MAML2: variants seen among roughly 807,000 people sequenced by gnomAD.
The protein encoded by MAML2 is mastermind like transcriptional coactivator 2.
In MAML2, 22 loss-of-function variants were observed where a neutral mutation model predicts 96.1. The observed-to-expected ratio is 0.23, with a 90% confidence interval of 0.16 to 0.33. MAML2 has a LOEUF of 0.33. Ranked by LOEUF, MAML2 falls within the 10% of genes least tolerant of loss-of-function variation. The probability of loss-of-function intolerance (pLI) is 1.00; values close to 1 mark genes in which losing one functional copy is unlikely to be tolerated. For missense variants in MAML2, 1,367 were observed against 1,392.4 expected (o/e 0.98, Z 0.29); for synonymous variants, 561 against 521.3 (o/e 1.08, Z -1.04).
chr11:96,064,441 T>C (rs1859214350), intron 2 of MAML2, among the ~76,000 whole-genome samples: 1 of 152,228 alleles, frequency 6.6e-6, no homozygotes, highest in Non-Finnish European at 1.5e-5. Flanking sequence ...ATGTAAGTTA[T>C]TCTGATAGTT....
Position 96,268,772 on chromosome 11 carries a change from G to A in MAML2, c.513+72611C>T, listed in dbSNP as rs558969473. On this transcript the variant is annotated intron_variant, in intron 1 of 4. Coordinates refer to ENST00000524717, the MANE Select transcript of MAML2 (RefSeq NM_032427.4). ...TATAAAGGGGAGTTCCCCTGCACAC[G>A]ATCTGTTGTCTGCCGCCATGTAAGA... Among the ~76,000 whole-genome samples, 8 of 146,286 alleles carry A rather than the reference G, an allele frequency of 5.5e-5. 2 individuals carry two copies. The highest frequency in any genetic ancestry group is 4.0e-4 in the East Asian group (2 of 5,008).
At chr11:96,015,876 C>T (rs1406852621) in intron 2 of MAML2, among the ~76,000 whole-genome samples, 1 of 152,014 alleles carries the variant, frequency 6.6e-6, no homozygotes, top group Non-Finnish European at 1.5e-5. Context: ...TTCATACTGA[C>T]AAGGCTCAGT....
chr11:96,120,338 T>A (rs1166419332), intron 1 of MAML2, among the ~76,000 whole-genome samples: 1 of 152,190 alleles, frequency 6.6e-6, no homozygotes, highest in Non-Finnish European at 1.5e-5. Flanking sequence ...CATGGTCCAC[T>A]GCAGATCTGA....
intron 1 of MAML2, among the ~76,000 whole-genome samples, chr11:96,266,294 G>A (rs1302146320): frequency 1.3e-5 from 2 of 152,142 alleles, no homozygotes; most frequent in Non-Finnish European, 2.9e-5. Flanking sequence ...ATATTGGCCA[G>A]GCGTGGTGGC....
intron 1 of MAML2, among the ~76,000 whole-genome samples, chr11:96,102,208 G>A (rs985973956): frequency 3.3e-5 from 5 of 152,166 alleles, no homozygotes; most frequent in Admixed American, 1.3e-4. Flanking sequence ...CCTGGGAGGC[G>A]GAGCTTGCAG....
chr11:95,978,769 G>A lies in MAML2; in HGVS notation c.*179C>T, dbSNP rs1006540055. On this transcript the variant is annotated 3_prime_UTR_variant, in exon 5 of 5. Transcript: ENST00000524717. ...CCCAATATTTTACTTTCAGGTGTAA[G>A]ATTTAAAACAAGAATTTGGACCAAA... 26 of 610,622 alleles carry A rather than the reference G, an allele frequency of 4.3e-5. No homozygotes were observed. The highest frequency in any genetic ancestry group is 7.2e-5 in the Non-Finnish European group (26 of 360,670). The allele number at this position is 610,622 out of a possible 1,614,324, so 37.8% of individuals were successfully genotyped here. A position where few individuals can be genotyped will look rare whatever the true frequency, so the allele number is the denominator to read the frequency against.
chr11:96,124,046 GGCAACGAGCAACGAGCAACCA>G (rs1242279882), intron 1 of MAML2, among the ~76,000 whole-genome samples: 2 of 148,762 alleles, frequency 1.3e-5, no homozygotes, highest in East Asian at 2.0e-4. Flanking sequence ...CTCCAGCCTG[GGCAACGAGCAACGAGCAACCA>G]GCAACGAGCA....
chr11:96,189,895 G>T (rs1390818771), intron 1 of MAML2, among the ~76,000 whole-genome samples: 2 of 152,144 alleles, frequency 1.3e-5, no homozygotes, highest in Non-Finnish European at 2.9e-5. Context: ...AGGACTAAAA[G>T]AATTTTTCTT....
intron 2 of MAML2, among the ~76,000 whole-genome samples, chr11:96,019,977 CAGT>C (rs1263200342): frequency 1.3e-5 from 2 of 152,146 alleles, no homozygotes; most frequent in Non-Finnish European, 2.9e-5. Context: ...TTACGCTATT[CAGT>C]CGTTAAGTGC....
At chr11:95,999,685 C>T (rs991077899) in intron 2 of MAML2, among the ~76,000 whole-genome samples, 1 of 151,758 alleles carries the variant, frequency 6.6e-6, no homozygotes, top group Non-Finnish European at 1.5e-5. Context: ...TAATGATTTT[C>T]CCCCCACAAA....
chr11:96,148,661 C>CAT (rs1860862183), intron 1 of MAML2, among the ~76,000 whole-genome samples: 2 of 37,940 alleles, frequency 5.3e-5, no homozygotes, highest in Non-Finnish European at 1.1e-4. Context: ...CTGAAAAATA[C>CAT]ACACACACAC....
At chr11:96,229,373 A>T (rs1456023750) in intron 1 of MAML2, among the ~76,000 whole-genome samples, 1 of 151,716 alleles carries the variant, frequency 6.6e-6, no homozygotes, top group Non-Finnish European at 1.5e-5. Flanking sequence ...TCTGAAAACA[A>T]TTGGTGAGAT....
At chr11:96,097,291 C>G (rs1272723923) in intron 1 of MAML2, among the ~76,000 whole-genome samples, 1 of 152,096 alleles carries the variant, frequency 6.6e-6, no homozygotes, top group African/African-American at 2.4e-5. Flanking sequence ...GAATAAAGCT[C>G]TAAGGGAACA....
At chr11:96,297,794 G>C (rs918616543) in intron 1 of MAML2, among the ~76,000 whole-genome samples, 2 of 152,036 alleles carry the variant, frequency 1.3e-5, no homozygotes, top group African/African-American at 4.8e-5. Flanking sequence ...GTATTTTAAA[G>C]CAAATCCCGG....
At chr11:96,269,642 C>G (rs1862885382) in intron 1 of MAML2, among the ~76,000 whole-genome samples, 1 of 144,032 alleles carries the variant, frequency 6.9e-6, no homozygotes, top group Non-Finnish European at 1.5e-5. Flanking sequence ...TCCTGAGTAG[C>G]TGGGATTACA....
intron 1 of MAML2, among the ~76,000 whole-genome samples, chr11:96,153,038 G>A (rs982032169): frequency 1.3e-5 from 2 of 152,144 alleles, no homozygotes; most frequent in African/African-American, 4.8e-5. Flanking sequence ...TCTCCCAGCA[G>A]GAGCCAGCCA....
intron 2 of MAML2, among the ~76,000 whole-genome samples, chr11:96,074,827 G>A (rs1451785487): frequency 6.6e-6 from 1 of 152,200 alleles, no homozygotes; most frequent in East Asian, 1.9e-4. Flanking sequence ...CCTCAGGGAA[G>A]AGCCTTCACT....
intron 1 of MAML2, among the ~76,000 whole-genome samples, chr11:96,180,387 A>G (rs1030062193): frequency 2.0e-4 from 30 of 152,342 alleles, no homozygotes; most frequent in African/African-American, 7.0e-4. Context: ...GGTTATAAAA[A>G]GGATACAGTT....
chr11:96,096,544 C>T lies in MAML2; in HGVS notation c.514-3027G>A, dbSNP rs373551278. On this transcript the variant is annotated intron_variant, in intron 1 of 4. Coordinates refer to ENST00000524717, the MANE Select transcript of MAML2 (RefSeq NM_032427.4). ...GTAAGCAATGAAGTCAGGAATCAAA[C>T]CACACATTCCCACTGCACAGCCTGT... Among the ~76,000 whole-genome samples the T allele has an allele frequency of 1.3e-4, 20 of 152,290 alleles. No homozygotes were observed. In the East Asian group the frequency reaches 3.3e-3, roughly 25 times the overall value.
Sources: allele counts gnomAD v4.1 joint callset (sites outside exome capture counted in the v4.1 genomes callset), GRCh38; gene constraint gnomAD v4.1.1; transcripts MANE v1.5; gene names NCBI Gene and HGNC (gene_info 2026-07-23, HGNC 2026-07-21).